ITGB5: variants seen among roughly 807,000 people sequenced by gnomAD.
ITGB5 encodes the protein integrin beta-5.
In ITGB5, 38 loss-of-function variants were observed where a neutral mutation model predicts 84.8. The ratio of observed to expected loss-of-function variants is 0.45; its 90% CI spans 0.35 to 0.59. The LOEUF is 0.59. Among genes scored for constraint, ITGB5 ranks in the 20% least tolerant of loss-of-function variants. The pLI, the probability that ITGB5 is intolerant of heterozygous loss-of-function variation, is 0.01. For synonymous variants in ITGB5, 393 were observed against 414.4 expected, an observed-to-expected ratio of 0.95 and a Z score of 0.63; for missense variants, 905 against 1,034.5, an observed-to-expected ratio of 0.87 and a Z score of 1.72.
chr3:124,780,303 G>C (rs1041426462), intron 10 of ITGB5, among the ~76,000 whole-genome samples: 5 of 152,192 alleles, frequency 3.3e-5, no homozygotes, highest in Non-Finnish European at 5.9e-5. Context: ...AGGGCTAGCA[G>C]GACCGCAGTG....
rs72972509 is a variant in ITGB5, at chr3:124,775,331, T to C, written c.1694-1419A>G. On this transcript the variant is annotated intron_variant, in intron 10 of 14. Coordinates refer to ENST00000296181, the MANE Select transcript of ITGB5 (RefSeq NM_002213.5). ...GTGTACAAGTGTGAGTGTATGTGTG[T>C]TGGAGTGCAAGTGTGAGGGAGGATG... Among the ~76,000 whole-genome samples the C allele has an allele frequency of 2.6e-3, 398 of 152,068 alleles. 4 individuals are homozygous for C. The highest frequency in any genetic ancestry group is 9.4e-3 in the African/African-American group (388 of 41,484).
intron 5 of ITGB5, among the ~76,000 whole-genome samples, chr3:124,830,493 A>G (rs1250456299): frequency 1.3e-5 from 2 of 152,234 alleles, no homozygotes; most frequent in African/African-American, 4.8e-5. Context: ...AGGGGCTACA[A>G]CAGGACAAAA....
At chr3:124,771,023 T>C (rs564364862) in intron 11 of ITGB5, among the ~76,000 whole-genome samples, 3 of 152,312 alleles carry the variant, frequency 2.0e-5, no homozygotes, top group Non-Finnish European at 4.4e-5. Flanking sequence ...TCCAGGCTGC[T>C]TCCAGGAAAC....
At chr3:124,824,804 A>G (rs1378181126) in intron 5 of ITGB5, among the ~76,000 whole-genome samples, 1 of 152,226 alleles carries the variant, frequency 6.6e-6, no homozygotes, top group African/African-American at 2.4e-5. Context: ...ATCATTAGTC[A>G]TTAAGGAAAT....
At chr3:124,861,483 T>TAC (rs771797977) in intron 2 of ITGB5, among the ~76,000 whole-genome samples, 95 of 64,606 alleles carry the variant, frequency 1.5e-3, no homozygotes, top group African/African-American at 6.5e-3. Context: ...AAACAAAACA[T>TAC]ATATATATAT....
chr3:124,802,164 T>C (rs1188955850), intron 9 of ITGB5, among the ~76,000 whole-genome samples: 7 of 152,254 alleles, frequency 4.6e-5, no homozygotes, highest in Admixed American at 1.3e-4. Flanking sequence ...CACCAGACTC[T>C]GAGCCCCTGA....
intron 12 of ITGB5, among the ~76,000 whole-genome samples, chr3:124,766,861 G>C (rs1003246730): frequency 6.6e-6 from 1 of 152,226 alleles, no homozygotes; most frequent in Non-Finnish European, 1.5e-5. Flanking sequence ...CACTGGGTGA[G>C]AGGCTGGTGC....
intron 9 of ITGB5, among the ~76,000 whole-genome samples, chr3:124,799,203 C>A (rs534704801): frequency 2.0e-5 from 3 of 152,300 alleles, no homozygotes; most frequent in Admixed American, 2.0e-4. Context: ...TACAGGGAGT[C>A]TCTCAAGGTG....
intron 1 of ITGB5, among the ~76,000 whole-genome samples, chr3:124,875,935 A>G (rs1422443468): frequency 1.3e-5 from 2 of 152,228 alleles, no homozygotes; most frequent in Admixed American, 6.5e-5. Flanking sequence ...TGGAGTGGAA[A>G]AAAACTGAAC....
In ITGB5 at chr3:124,764,496, A is replaced by C; in HGVS notation, c.2199T>G (p.Leu733=). The C allele has an allele frequency of 1.2e-6, 2 of 1,613,936 alleles. No individual in the cohort carries two copies. Among genetic ancestry groups the C allele is most frequent in the Non-Finnish European group, 1.7e-6 (2 of 1,179,946 alleles). The part of the protein sequence containing the change: ...ILLAVVGSIL[L]VGLALLAIWK... ...AGATAGCCAGGAGTGCAAGCCCAAC[A>C]AGGAGGATGCTACCGACCACAGCCA... is the stretch of plus-strand genomic sequence containing the variant. The change falls in exon 14 of 15, where the codon CTT becomes CTG. Residue 733 remains leucine (L), a synonymous_variant. Coordinates refer to ENST00000296181, the MANE Select transcript of ITGB5 (RefSeq NM_002213.5).
At chr3:124,776,030 G>A (rs1288604092) in intron 10 of ITGB5, among the ~76,000 whole-genome samples, 1 of 152,256 alleles carries the variant, frequency 6.6e-6, no homozygotes, top group Non-Finnish European at 1.5e-5. Context: ...CAGCGCTGAA[G>A]CAGATGGCAA....
At chr3:124,776,336 C>T (rs2063926666) in intron 10 of ITGB5, among the ~76,000 whole-genome samples, 1 of 152,226 alleles carries the variant, frequency 6.6e-6, no homozygotes, top group South Asian at 2.1e-4. Flanking sequence ...CCAATCCACA[C>T]AACTCCCTCA....
chr3:124,794,824 G>A (rs1455856710), intron 10 of ITGB5, among the ~76,000 whole-genome samples: 2 of 151,296 alleles, frequency 1.3e-5, no homozygotes, highest in Admixed American at 6.6e-5. Context: ...GAGAGAGGAA[G>A]GGAGAAGGGA....
rs190896011 is a variant in ITGB5, at chr3:124,803,368, G to A, written c.1263+5654C>T. 6.4e-3 allele frequency among the ~76,000 whole-genome samples: 981 copies of A among 152,208 alleles called. 17 individuals are homozygous for A. Among genetic ancestry groups the A allele is most frequent in the South Asian group, 0.035 (168 of 4,812 alleles). On this transcript the variant is annotated intron_variant, in intron 9 of 14. Transcript: ENST00000296181. Reference sequence around the variant, plus strand: ...TGGCACGCTTCTCAGGCCCCACTTTGAGTCTCAGTTTTTCATACATAAAAT... The same window carrying A: ...TGGCACGCTTCTCAGGCCCCACTTTAAGTCTCAGTTTTTCATACATAAAAT...
At chr3:124,841,330 C>A in intron 5 of ITGB5, 53 bp downstream of exon 5, 1 of 1,559,308 alleles carries the variant, frequency 6.4e-7, no homozygotes, top group Non-Finnish European at 8.7e-7. Flanking sequence ...CACCCACTGA[C>A]GCTCTCTACC....
intron 10 of ITGB5, among the ~76,000 whole-genome samples, chr3:124,785,498 T>C (rs1273495321): frequency 6.6e-6 from 1 of 151,320 alleles, no homozygotes; most frequent in African/African-American, 2.4e-5. Flanking sequence ...TGCAGGAGAA[T>C]TGCGTGAACC....
chr3:124,791,983 A>C (rs1189891734), intron 10 of ITGB5: 2 of 152,252 alleles, frequency 1.3e-5, no homozygotes, highest in East Asian at 3.9e-4. Context: ...AAGCCACTGC[A>C]TGAACATGTT....
intron 8 of ITGB5, among the ~76,000 whole-genome samples, chr3:124,810,908 T>TCTTCTTTCTTTCTTTC (rs1553759104): frequency 1.1e-4 from 17 of 149,952 alleles, no homozygotes; most frequent in African/African-American, 4.2e-4. Flanking sequence ...CTCTTGTGGG[T>TCTTCTTTCTTTCTTTC]TTTCTTTCTT....
intron 2 of ITGB5, among the ~76,000 whole-genome samples, chr3:124,867,686 G>C (rs1230174416): frequency 6.6e-6 from 1 of 152,220 alleles, no homozygotes; most frequent in African/African-American, 2.4e-5. Flanking sequence ...AACAGTGCTA[G>C]TAGGAAGAAT....
Sources: allele counts gnomAD v4.1 joint callset (sites outside exome capture counted in the v4.1 genomes callset), GRCh38; gene constraint gnomAD v4.1.1; transcripts MANE v1.5; gene names NCBI Gene and HGNC (gene_info 2026-07-23, HGNC 2026-07-21).